Variants in CACNA2D4 observed in about 807,000 individuals in gnomAD.
The protein encoded by CACNA2D4 is voltage-dependent calcium channel subunit alpha-2/delta-4.
In CACNA2D4, 157 loss-of-function variants were observed where a neutral mutation model predicts 163.8. The ratio of observed to expected loss-of-function variants is 0.96; its 90% CI spans 0.84 to 1.09. CACNA2D4 has a LOEUF of 1.09. CACNA2D4 is among the 50% of genes least tolerant of loss of function. The pLI is 0.00. For missense variants in CACNA2D4, 1,410 were observed against 1,479.9 expected, an observed-to-expected ratio of 0.95 and a Z score of 0.78; for synonymous variants, 598 against 586.9, an observed-to-expected ratio of 1.02 and a Z score of -0.27.
chr12:1,882,899 T>C lies in CACNA2D4; in HGVS notation c.1453A>G (p.Ile485Val). 1 of 1,613,818 alleles carries C rather than the reference T, an allele frequency of 6.2e-7. No homozygotes were observed. Among genetic ancestry groups the C allele is most frequent in the South Asian group, 1.1e-5 (1 of 91,032 alleles). Reference sequence around the variant, plus strand: ...TCCATGTAGGCCTCTGTCCAGATGATGTCGTGGTCGTGGTTGATGACCATG... The same window carrying C: ...TCCATGTAGGCCTCTGTCCAGATGACGTCGTGGTCGTGGTTGATGACCATG... ...RPMVINHDHDIIWTEAYMDSK... is the reference protein window; with the variant it reads ...RPMVINHDHDVIWTEAYMDSK... The change falls in exon 13 of 38, where the codon ATC becomes GTC. Residue 485 changes from isoleucine to valine, a missense_variant. Coordinates refer to ENST00000382722, the MANE Select transcript of CACNA2D4 (RefSeq NM_172364.5).
chr12:1,852,108 G>A (rs1223744101), intron 23 of CACNA2D4, among the ~76,000 whole-genome samples: 1 of 152,024 alleles, frequency 6.6e-6, no homozygotes, highest in Non-Finnish European at 1.5e-5. Context: ...CTCTCATTGG[G>A]TATAGTAATT....
At chr12:1,804,335 C>T (rs889004631) in intron 29 of CACNA2D4, among the ~76,000 whole-genome samples, 1 of 152,126 alleles carries the variant, frequency 6.6e-6, no homozygotes, top group African/African-American at 2.4e-5. Flanking sequence ...GAAAGTGCAG[C>T]GGGGTGCAGA....
chr12:1,808,953 C>T (rs911444468), intron 29 of CACNA2D4, among the ~76,000 whole-genome samples: 50 of 152,250 alleles, frequency 3.3e-4, no homozygotes, highest in Admixed American at 1.0e-3. Context: ...CCCAGGTGAC[C>T]GTGATGCTCA....
chr12:1,828,245 T>A lies in CACNA2D4; in HGVS notation c.2551+12494A>T. The A allele has an allele frequency of 6.6e-6, 10 of 1,513,092 alleles. No individual in the cohort carries two copies. Among genetic ancestry groups the A allele is most frequent in the Non-Finnish European group, 8.9e-6 (10 of 1,125,536 alleles). 93.7% of individuals were successfully genotyped at this position (1,513,092 alleles called of 1,614,324 possible). ...GTACACCCCTGGCCTCGGAGGGGGG[T>A]GCGGGTTGGGTGGGGGTGCCGAGGT... On this transcript the variant is annotated intron_variant, in intron 26 of 37. Transcript: ENST00000382722. This position sits in a 1 kb window ranked among gnomAD's most constrained non-coding sequence, Gnocchi z 4.2.
intron 6 of CACNA2D4, among the ~76,000 whole-genome samples, chr12:1,893,784 C>T (rs1427468848): frequency 6.6e-6 from 1 of 152,036 alleles, no homozygotes; most frequent in African/African-American, 2.4e-5. Flanking sequence ...CAGTTTGTAG[C>T]AATAAGTGCT....
intron 1 of CACNA2D4, 106 bp downstream of exon 1, chr12:1,918,141 G>A (rs765285948): frequency 2.5e-5 from 20 of 807,452 alleles, no homozygotes; most frequent in Non-Finnish European, 3.7e-5. Flanking sequence ...AAAGCCCAGA[G>A]GGAGGGCAGG....
intron 29 of CACNA2D4, chr12:1,809,584 T>C (rs1863640746): frequency 1.4e-6 from 1 of 701,592 alleles, no homozygotes; most frequent in South Asian, 1.5e-5. Flanking sequence ...GAATAATCCA[T>C]TTTGAGGCCC....
chr12:1,837,878 G>C (rs1864917773), intron 26 of CACNA2D4, among the ~76,000 whole-genome samples: 1 of 152,192 alleles, frequency 6.6e-6, no homozygotes, highest in South Asian at 2.1e-4. Context: ...CAAATGTCAT[G>C]GTTCCCAGAT....
intron 6 of CACNA2D4, among the ~76,000 whole-genome samples, chr12:1,904,491 T>C (rs550276925): frequency 6.6e-6 from 1 of 151,884 alleles, no homozygotes; most frequent in African/African-American, 2.4e-5. Flanking sequence ...CATAAATATA[T>C]ATACACATAC....
At chr12:1,888,904 G>C (rs1866214893) in intron 6 of CACNA2D4, among the ~76,000 whole-genome samples, 1 of 152,146 alleles carries the variant, frequency 6.6e-6, no homozygotes, top group Non-Finnish European at 1.5e-5. Flanking sequence ...TGAATAAAAA[G>C]ATATCCACAT....
chr12:1,826,581 A>T (rs1335267666), intron 26 of CACNA2D4, among the ~76,000 whole-genome samples: 1 of 152,216 alleles, frequency 6.6e-6, no homozygotes, highest in Non-Finnish European at 1.5e-5. Flanking sequence ...ATCTGTGCCC[A>T]GTCTTGTGAC....
chr12:1,906,530 G>T (rs186451798), intron 6 of CACNA2D4, among the ~76,000 whole-genome samples: 2 of 152,270 alleles, frequency 1.3e-5, no homozygotes, highest in African/African-American at 4.8e-5. Flanking sequence ...TGACTGATGC[G>T]TTCACATCTG....
Position 1,910,994 on chromosome 12 carries a change from A to G in CACNA2D4, c.427-1029T>C, listed in dbSNP as rs78317277. Among the ~76,000 whole-genome samples, 1,041 of 149,098 alleles carry G rather than the reference A, an allele frequency of 7.0e-3. 10 individuals are homozygous for G. Among genetic ancestry groups the G allele is most frequent in the African/African-American group, 0.024 (976 of 40,420 alleles). On this transcript the variant is annotated intron_variant, in intron 3 of 37. Coordinates refer to ENST00000382722, the MANE Select transcript of CACNA2D4 (RefSeq NM_172364.5). ...TTATACACTTTAAATGGTCAACTTT[A>G]TGTCACCTGTATTTTACCGCAATAC... is the stretch of plus-strand genomic sequence containing the variant.
chr12:1,846,841 GA>G (rs1380235818), intron 23 of CACNA2D4, among the ~76,000 whole-genome samples, 152 bp from the exon 24 acceptor site: 1 of 152,218 alleles, frequency 6.6e-6, no homozygotes, highest in African/African-American at 2.4e-5. Context: ...AAGGGGCCGG[GA>G]CACGCACCCT....
rs367750825 is a variant in CACNA2D4 at position 1,860,158 on chromosome 12, C to T, written c.1927G>A (p.Asp643Asn). ...TGTGTCCCTCACCTGAAAGGGGTGTCGCTGATGTCCGTGAAGAAGTAGTCA... is the reference window on the plus strand; with the variant it reads ...TGTGTCCCTCACCTGAAAGGGGTGTTGCTGATGTCCGTGAAGAAGTAGTCA... ...TNDYFFTDIS[D>N]TPFSLGVVLS... is the part of the protein sequence containing the mutation. The change falls in exon 19 of 38, where the codon GAC becomes AAC. Residue 643 changes from aspartate to asparagine, a missense_variant. By Grantham distance (23) the Asp-to-Asn change is conservative. Coordinates refer to ENST00000382722, the MANE Select transcript of CACNA2D4 (RefSeq NM_172364.5). 31 of 1,613,484 alleles carry T rather than the reference C, an allele frequency of 1.9e-5. No homozygotes were observed. Among genetic ancestry groups the T allele is most frequent in the African/African-American group, 4.0e-5 (3 of 74,938 alleles).
Position 1,825,985 on chromosome 12 carries a change from C to T in CACNA2D4, c.2552-14262G>A, listed in dbSNP as rs183498765. On this transcript the variant is annotated intron_variant, in intron 26 of 37. Coordinates refer to ENST00000382722, the MANE Select transcript of CACNA2D4 (RefSeq NM_172364.5). ...GGGCTCGAGGGACAGAGAGCGTGCA[C>T]GCTGCTGTTTGAAGGCAGGCCTGCG... Among the ~76,000 whole-genome samples, 448 of 152,254 alleles carry T rather than the reference C, an allele frequency of 2.9e-3. 4 individuals carry two copies. Among genetic ancestry groups the T allele is most frequent in the African/African-American group, 0.01 (421 of 41,542 alleles).
chr12:1,832,423 G>A (rs1489995154), intron 26 of CACNA2D4, among the ~76,000 whole-genome samples: 12 of 152,194 alleles, frequency 7.9e-5, no homozygotes, highest in Non-Finnish European at 1.8e-4. Flanking sequence ...CCATTTATCC[G>A]TTCACTTCCT....
Position 1,878,314 on chromosome 12 carries a change from C to T in CACNA2D4, c.1719+1G>A, listed in dbSNP as rs1865922255. 1 of 1,608,072 alleles carries T rather than the reference C, an allele frequency of 6.2e-7. No homozygotes were observed. Among genetic ancestry groups the T allele is most frequent in the Non-Finnish European group, 8.5e-7 (1 of 1,177,418 alleles). ...CCAAGGCAAAGAAGATCTGTACCTA[C>T]CAGGGGCCGGAGGTCGGGATGGGAG... On this transcript the variant is annotated splice_donor_variant, in intron 16 of 37. Transcript: ENST00000382722. LOFTEE classifies it high-confidence loss of function. The surrounding 1 kb of genome is among the most constrained non-coding windows in gnomAD (Gnocchi z 4.6).
At chr12:1,827,048 T>C (rs1592683163) in intron 26 of CACNA2D4, among the ~76,000 whole-genome samples, 1 of 152,330 alleles carries the variant, frequency 6.6e-6, no homozygotes, top group South Asian at 2.1e-4. Context: ...GGTCAGAGGC[T>C]GGGAGCCGCC....
Sources: allele counts gnomAD v4.1 joint callset (sites outside exome capture counted in the v4.1 genomes callset), GRCh38; gene constraint gnomAD v4.1.1; non-coding constraint Gnocchi (gnomAD v3.1); transcripts MANE v1.5; gene names NCBI Gene and HGNC (gene_info 2026-07-23, HGNC 2026-07-21).